The following ZBTB44 variants were observed in gnomAD, a reference collection of about 807,000 sequenced individuals.
The protein encoded by ZBTB44 is zinc finger and BTB domain-containing protein 44.
ZBTB44 carries 15 observed loss-of-function variants against 54.0 expected under a neutral mutation model. That is an observed-to-expected ratio of 0.28 (90% CI 0.19 to 0.43). The LOEUF (loss-of-function observed/expected upper bound fraction) is 0.43. Among genes scored for constraint, ZBTB44 ranks in the 20% least tolerant of loss-of-function variants. The pLI, the probability that ZBTB44 is intolerant of heterozygous loss-of-function variation, is 1.00. For missense variants in ZBTB44, 487 were observed against 707.1 expected (o/e 0.69, Z 3.53); for synonymous variants, 230 against 250.1 (o/e 0.92, Z 0.76).
intron 2 of ZBTB44, among the ~76,000 whole-genome samples, chr11:130,240,121 A>G (rs1426240869): frequency 6.8e-6 from 1 of 148,128 alleles, no homozygotes; most frequent in African/African-American, 2.5e-5. Context: ...GGCTCACTGC[A>G]AGCTCTGCCT....
intron 1 of ZBTB44, among the ~76,000 whole-genome samples, chr11:130,301,261 T>C (rs933178887): frequency 2.0e-5 from 3 of 152,186 alleles, no homozygotes; most frequent in Admixed American, 2.0e-4. Context: ...CTAGAGTTCT[T>C]GTCTGGCTTT....
chr11:130,301,618 T>G (rs958913304), intron 1 of ZBTB44, among the ~76,000 whole-genome samples: 5 of 152,156 alleles, frequency 3.3e-5, no homozygotes, highest in South Asian at 2.1e-4. Context: ...GAGCAGAGAC[T>G]GTGCCATTGC....
chr11:130,268,960 C>T (rs568169663), intron 1 of ZBTB44, among the ~76,000 whole-genome samples: 1 of 151,502 alleles, frequency 6.6e-6, no homozygotes, highest in African/African-American at 2.4e-5. Context: ...CAAGGTATAA[C>T]CTGAAGTTTT....
chr11:130,269,944 G>T (rs1037297446), intron 1 of ZBTB44, among the ~76,000 whole-genome samples: 1 of 152,066 alleles, frequency 6.6e-6, no homozygotes, highest in Non-Finnish European at 1.5e-5. Context: ...ATTAAATGTA[G>T]ATCAAATTTT....
At chr11:130,306,904 T>A (rs1013113037) in intron 1 of ZBTB44, among the ~76,000 whole-genome samples, 1 of 151,898 alleles carries the variant, frequency 6.6e-6, no homozygotes, top group Non-Finnish European at 1.5e-5. Flanking sequence ...AGGGTGCAAG[T>A]GGGGTGAGGG....
intron 1 of ZBTB44, among the ~76,000 whole-genome samples, chr11:130,297,749 AC>A (rs2134419700): frequency 6.6e-6 from 1 of 152,308 alleles, no homozygotes; most frequent in South Asian, 2.1e-4. Context: ...CTGATTTCGA[AC>A]TTCAAGGCTC....
chr11:130,292,371 C>T (rs1003510432), intron 1 of ZBTB44, among the ~76,000 whole-genome samples: 1 of 152,110 alleles, frequency 6.6e-6, no homozygotes, highest in Admixed American at 6.5e-5. Context: ...TAATACTTTA[C>T]ATACAAGTGA....
chr11:130,239,808 T>C lies in ZBTB44; in HGVS notation c.1103+4A>G. On this transcript the variant is annotated splice_donor_region_variant and intron_variant, in intron 3 of 7. Transcript: ENST00000357899. Reference sequence around the variant, plus strand: ...AGGTAACGAAATGCTATGTTAGTACTGACCGATCATCATCATCCGGAGGAG... The same window carrying C: ...AGGTAACGAAATGCTATGTTAGTACCGACCGATCATCATCATCCGGAGGAG... 1 of 1,611,134 alleles carries C rather than the reference T, an allele frequency of 6.2e-7. No individual in the cohort carries two copies. Among genetic ancestry groups the C allele is most frequent in the Non-Finnish European group, 8.5e-7 (1 of 1,178,096 alleles).
intron 1 of ZBTB44, among the ~76,000 whole-genome samples, chr11:130,278,314 T>C (rs1211687263): frequency 6.6e-6 from 1 of 152,198 alleles, no homozygotes; most frequent in Non-Finnish European, 1.5e-5. Context: ...CAGTACCTCA[T>C]ATGATTTATT....
intron 5 of ZBTB44, 136 bp downstream of exon 5, chr11:130,236,657 T>A: frequency 1.1e-6 from 1 of 905,498 alleles, no homozygotes; most frequent in Non-Finnish European, 1.5e-6. Flanking sequence ...GATTAGAGTA[T>A]GAACAGTGGG....
chr11:130,260,822 T>C (rs764156785), intron 2 of ZBTB44, 34 bp downstream of exon 2: 1 of 1,555,772 alleles, frequency 6.4e-7, no homozygotes. Context: ...GAATTGACTT[T>C]ATAGCACCAA....
At chr11:130,249,567 C>A (rs1250569225) in intron 2 of ZBTB44, among the ~76,000 whole-genome samples, 1 of 152,142 alleles carries the variant, frequency 6.6e-6, no homozygotes, top group Non-Finnish European at 1.5e-5. Context: ...ACACAGAAGG[C>A]AGGTGTCTGC....
intron 2 of ZBTB44, among the ~76,000 whole-genome samples, chr11:130,244,733 T>C (rs1591942308): frequency 1.3e-5 from 2 of 151,426 alleles, no homozygotes; most frequent in African/African-American, 2.4e-5. Context: ...ACTACATACA[T>C]GTGAACATTT....
intron 2 of ZBTB44, among the ~76,000 whole-genome samples, chr11:130,251,564 A>G (rs940804857): frequency 9.9e-5 from 15 of 152,268 alleles, no homozygotes; most frequent in Non-Finnish European, 1.9e-4. Flanking sequence ...GGTTACCTAC[A>G]GAGGGAAGCC....
chr11:130,291,480 A>G (rs1384665481), intron 1 of ZBTB44, among the ~76,000 whole-genome samples: 4 of 152,204 alleles, frequency 2.6e-5, no homozygotes, highest in Admixed American at 2.0e-4. Flanking sequence ...TTTCAAATAT[A>G]TTCTTTGGAT....
intron 1 of ZBTB44, among the ~76,000 whole-genome samples, chr11:130,306,252 C>T (rs953609655): frequency 6.6e-6 from 1 of 152,060 alleles, no homozygotes; most frequent in Non-Finnish European, 1.5e-5. Flanking sequence ...CTTGTAATCC[C>T]AGCACTTTGG....
At chr11:130,263,666 G>C (rs1337331614) in intron 1 of ZBTB44, among the ~76,000 whole-genome samples, 1 of 152,214 alleles carries the variant, frequency 6.6e-6, no homozygotes, top group Non-Finnish European at 1.5e-5. Flanking sequence ...ACGTTCTCAA[G>C]TGAGGCACAA....
chr11:130,273,107 T>C (rs866517233), intron 1 of ZBTB44, among the ~76,000 whole-genome samples: 4 of 152,198 alleles, frequency 2.6e-5, no homozygotes, highest in South Asian at 2.1e-4. Flanking sequence ...TGATAGGAAC[T>C]GCATTGAATT....
At chr11:130,250,183 C>T (rs1266303047) in intron 2 of ZBTB44, among the ~76,000 whole-genome samples, 1 of 152,190 alleles carries the variant, frequency 6.6e-6, no homozygotes, top group Non-Finnish European at 1.5e-5. Context: ...CACAGTGTGG[C>T]ACAGTGGCTA....
Sources: gnomAD v4.1 joint callset for allele counts (sites outside exome capture counted in the v4.1 genomes callset) on GRCh38, gnomAD v4.1.1 for gene constraint, MANE v1.5 for transcripts, NCBI Gene and HGNC (gene_info 2026-07-23, HGNC 2026-07-21) for gene names.